KIF3C: variants seen among roughly 807,000 people sequenced by gnomAD.
KIF3C encodes the protein kinesin family member 3C.
KIF3C carries 12 observed loss-of-function variants against 67.7 expected under a neutral mutation model. The ratio of observed to expected loss-of-function variants is 0.18; its 90% CI spans 0.11 to 0.29. The LOEUF (loss-of-function observed/expected upper bound fraction) is 0.29. Among genes scored for constraint, KIF3C ranks in the 10% least tolerant of loss-of-function variants. The pLI is 1.00. For missense variants in KIF3C, 789 were observed against 1,059.6 expected, an observed-to-expected ratio of 0.74 and a Z score of 3.55; for synonymous variants, 393 against 426.2, an observed-to-expected ratio of 0.92 and a Z score of 0.96.
intron 4 of KIF3C, among the ~76,000 whole-genome samples, chr2:25,953,142 G>C (rs146160753): frequency 6.6e-6 from 1 of 151,212 alleles, no homozygotes; most frequent in East Asian, 2.0e-4. Flanking sequence ...GGTGGTGGGC[G>C]CCTGTAGTCC....
At chr2:25,950,054 CTAA>C (rs1394974428) in intron 5 of KIF3C, among the ~76,000 whole-genome samples, 1 of 150,738 alleles carries the variant, frequency 6.6e-6, no homozygotes, top group Non-Finnish European at 1.5e-5. Context: ...CCACACCCGG[CTAA>C]TTTTTTGTAT....
Position 25,929,554 on chromosome 2 carries a change from G to A in KIF3C, c.2116-77C>T. 4.6e-6 allele frequency: 6 copies of A among 1,304,822 alleles called. No homozygotes were observed. In the South Asian group the frequency reaches 4.8e-5, roughly 11 times the overall value. The allele number at this position is 1,304,822 out of a possible 1,614,324, so 80.8% of individuals were successfully genotyped here. The stretch of plus-strand genomic sequence containing the variant: ...TCTAGGGACTCAGCCAGTCTTGGGT[G>A]TAGCAGGGCTGATGAGGTGGTTAGG... On this transcript the variant is annotated intron_variant, in intron 6 of 7. Coordinates refer to ENST00000264712, the MANE Select transcript of KIF3C (RefSeq NM_002254.8).
chr2:25,930,147 G>A, intron 5 of KIF3C, 84 bp from the exon 6 acceptor site: 1 of 1,074,520 alleles, frequency 9.3e-7, no homozygotes. Flanking sequence ...TATCATTCAG[G>A]TAGCTAGGAG....
chr2:25,930,104 C>G, intron 5 of KIF3C, 41 bp from the exon 6 acceptor site: 1 of 1,496,708 alleles, frequency 6.7e-7, no homozygotes, highest in Non-Finnish European at 9.3e-7. Context: ...TTCTGTGGAA[C>G]ACAAACAGCA....
At chr2:25,962,982 A>T (rs1257291410) in intron 1 of KIF3C, among the ~76,000 whole-genome samples, 1 of 41,026 alleles carries the variant, frequency 2.4e-5, no homozygotes, top group Non-Finnish European at 3.4e-5. Context: ...ATAATATATA[A>T]TATATAATAT....
chr2:25,929,290 C>T lies in KIF3C; in HGVS notation c.2288+15G>A. 1 of 1,611,324 alleles carries T rather than the reference C, an allele frequency of 6.2e-7. No individual in the cohort carries two copies. Among genetic ancestry groups the T allele is most frequent in the Non-Finnish European group, 8.5e-7 (1 of 1,177,618 alleles). On this transcript the variant is annotated intron_variant, in intron 7 of 7. Transcript: ENST00000264712. Reference sequence around the variant, plus strand: ...TCCTGGGTCCAGTGCTGCCTGGGACCATGGAGGTACTGACCAGGATCTGGA... The same window carrying T: ...TCCTGGGTCCAGTGCTGCCTGGGACTATGGAGGTACTGACCAGGATCTGGA...
At chr2:25,962,209 A>G (rs2149237235) in intron 1 of KIF3C, among the ~76,000 whole-genome samples, 1 of 152,344 alleles carries the variant, frequency 6.6e-6, no homozygotes, top group Admixed American at 6.5e-5. Flanking sequence ...AGGAAATACC[A>G]GTCTATTAAA....
rs1348728979 is a variant in KIF3C at position 25,982,385 on chromosome 2, C to T, written c.-468G>A. On this transcript the variant is annotated 5_prime_UTR_variant, in exon 1 of 8. It removes the in-frame stop codon of an upstream open reading frame in the 5' UTR. Transcript: ENST00000264712. ...CCCGGGCCTCCCGAGGGCAGAGGCT[C>T]ACCTGGAGTCCTCCCCCCAAGCTGG... 1 of 398,728 alleles carries T rather than the reference C, an allele frequency of 2.5e-6. No homozygotes were observed. The highest frequency in any genetic ancestry group is 4.4e-6 in the Non-Finnish European group (1 of 226,226). The allele number at this position is 398,728 out of a possible 1,614,324, so 24.7% of individuals were successfully genotyped here.
chr2:25,956,299 G>T (rs1374646939), intron 2 of KIF3C, 44 bp downstream of exon 2: 5 of 1,420,750 alleles, frequency 3.5e-6, no homozygotes, highest in Middle Eastern at 1.9e-4. Context: ...GACATGAGCT[G>T]CAGGCCACAC....
chr2:25,982,189 C>A lies in KIF3C; in HGVS notation c.-272G>T, dbSNP rs1664619710. The A allele has an allele frequency of 2.3e-6, 1 of 442,628 alleles. No individual in the cohort carries two copies. Among genetic ancestry groups the A allele is most frequent in the East Asian group, 3.4e-5 (1 of 29,666 alleles). 27.4% of individuals were successfully genotyped at this position (442,628 alleles called of 1,614,324 possible). ...GCGGGAGCAGCGCCTGCCGAGCAGC[C>A]GTGCCCGGAGCCCGCCCCATGCAGG... On this transcript the variant is annotated 5_prime_UTR_variant, in exon 1 of 8. Coordinates refer to ENST00000264712, the MANE Select transcript of KIF3C (RefSeq NM_002254.8).
intron 1 of KIF3C, among the ~76,000 whole-genome samples, chr2:25,961,892 G>A (rs1663952945): frequency 6.8e-6 from 1 of 148,114 alleles, no homozygotes; most frequent in African/African-American, 2.5e-5. Flanking sequence ...AGGTTGCAGT[G>A]AGCTGAAATC....
At chr2:25,945,118 C>T (rs61237072) in intron 5 of KIF3C, among the ~76,000 whole-genome samples, 3,780 of 146,558 alleles carry the variant, frequency 0.026, 155 homozygotes, top group African/African-American at 0.089. Context: ...GCAACAAGAG[C>T]AAAACTCTAT....
At position 25,958,218 on chromosome 2, in the gene KIF3C, T is replaced by G. The variant is rs555436417; in HGVS notation, c.1546-1774A>C. 1.2e-3 allele frequency among the ~76,000 whole-genome samples: 185 copies of G among 152,252 alleles called. 1 individual carries two copies. Among genetic ancestry groups the G allele is most frequent in the Non-Finnish European group, 2.3e-3 (155 of 68,026 alleles). The stretch of plus-strand genomic sequence containing the variant: ...CCACAACTCTCCTGGACCACTGCTG[T>G]GGTCTCCCCACTGCCTCAGTGTCCC... On this transcript the variant is annotated intron_variant, in intron 1 of 7. Coordinates refer to ENST00000264712, the MANE Select transcript of KIF3C (RefSeq NM_002254.8). The surrounding 1 kb of genome is among the most constrained non-coding windows in gnomAD (Gnocchi z 4.5).
At chr2:25,976,353 T>C (rs1423064560) in intron 1 of KIF3C, among the ~76,000 whole-genome samples, 1 of 152,202 alleles carries the variant, frequency 6.6e-6, no homozygotes, top group African/African-American at 2.4e-5. Flanking sequence ...TCCGATGCTG[T>C]TGTTTCTGTC....
chr2:25,981,461 T>C lies in KIF3C; in HGVS notation c.457A>G (p.Ile153Val). 2 of 1,614,060 alleles carry C rather than the reference T, an allele frequency of 1.2e-6. No homozygotes were observed. The highest frequency in any genetic ancestry group is 1.7e-6 in the Non-Finnish European group (2 of 1,180,008). Residue 153 changes from isoleucine to valine, a missense_variant, in exon 1 of 8, where the codon ATT becomes GTT. Physicochemically the swap from Ile to Val is conservative, Grantham distance 29. Around this residue, in one of 2 missense-constraint regions of KIF3C, gnomAD observed 141 missense variants for 251.8 expected, o/e 0.56. Coordinates refer to ENST00000264712, the MANE Select transcript of KIF3C (RefSeq NM_002254.8). This position sits in a 1 kb window ranked among gnomAD's most constrained non-coding sequence, Gnocchi z 8.2. The stretch of plus-strand genomic sequence containing the variant: ...GGCTCCTTGGAGAGCAGGTCTCGAA[T>C]CTCTTCCTGGTAGATCTCCAAATAG... ...ASYLEIYQEE[I>V]RDLLSKEPGK...
rs180953667 is a variant in KIF3C, at chr2:25,938,863, C to T, written c.2007-8800G>A. On this transcript the variant is annotated intron_variant, in intron 5 of 7. Transcript: ENST00000264712. ...ACGCGTTCTCCTAGGACCCTCCCTC[C>T]GTAATTGGCTACTATCATTTTTTCC... Among the ~76,000 whole-genome samples the T allele has an allele frequency of 3.6e-4, 55 of 152,190 alleles. No individual in the cohort carries two copies. In the East Asian group the frequency reaches 4.5e-3, roughly 12 times the overall value.
Position 25,928,904 on chromosome 2 carries a change from G to A in KIF3C, c.*74C>T, listed in dbSNP as rs1357321692. On this transcript the variant is annotated 3_prime_UTR_variant, in exon 8 of 8. Coordinates refer to ENST00000264712, the MANE Select transcript of KIF3C (RefSeq NM_002254.8). ...GCACGCACACGCACACGCACCAAGC[G>A]GCAGATGAGATGAGCCAGGGTTGGC... 21 of 1,269,530 alleles carry A rather than the reference G, an allele frequency of 1.7e-5. No individual in the cohort carries two copies. Among genetic ancestry groups the A allele is most frequent in the Non-Finnish European group, 1.9e-5 (17 of 884,016 alleles). 78.6% of individuals were successfully genotyped at this position (1,269,530 alleles called of 1,614,324 possible). A position where few individuals can be genotyped will look rare whatever the true frequency, so the allele number is the denominator to read the frequency against.
At position 25,955,753 on chromosome 2, in the gene KIF3C, C is replaced by G; in HGVS notation, c.1648-90G>C. 1.3e-6 allele frequency: 2 copies of G among 1,495,464 alleles called. No homozygotes were observed. Among genetic ancestry groups the G allele is most frequent in the Non-Finnish European group, 1.8e-6 (2 of 1,093,334 alleles). The allele number at this position is 1,495,464 out of a possible 1,614,324, so 92.6% of individuals were successfully genotyped here. A position where few individuals can be genotyped will look rare whatever the true frequency, so the allele number is the denominator to read the frequency against. ...CAGGGGACTGGCTCACTCTGCCTGT[C>G]TCGGGACCTGGCTTCACCATGGCCC... On this transcript the variant is annotated intron_variant, in intron 2 of 7. Transcript: ENST00000264712. This position sits in a 1 kb window ranked among gnomAD's most constrained non-coding sequence, Gnocchi z 5.0.
Position 25,951,889 on chromosome 2 carries a change from T to G in KIF3C, c.1906A>C (p.Asn636His). ...TTCTTCTCCTCCGGCGGGATGAAGT[T>G]CTCGATGATTAGGTACCTGGGAGCA... ...ELKLKYLIIE[N>H]FIPPEEKNKI... The change falls in exon 5 of 8, where the codon AAC becomes CAC. Residue 636 changes from asparagine (N) to histidine (H), a missense_variant. Physicochemically the swap from Asn to His is moderately conservative, Grantham distance 68. Around this residue, in one of 2 missense-constraint regions of KIF3C, gnomAD observed 648 missense variants for 807.8 expected, o/e 0.80. Transcript: ENST00000264712. The G allele has an allele frequency of 6.2e-7, 1 of 1,613,144 alleles. No homozygotes were observed. Among genetic ancestry groups the G allele is most frequent in the Non-Finnish European group, 8.5e-7 (1 of 1,179,214 alleles).
Sources: allele counts gnomAD v4.1 joint callset (sites outside exome capture counted in the v4.1 genomes callset), GRCh38; gene constraint gnomAD v4.1.1; regional missense constraint gnomAD v4.1.1; non-coding constraint Gnocchi (gnomAD v3.1); transcripts MANE v1.5; gene names NCBI Gene and HGNC (gene_info 2026-07-23, HGNC 2026-07-21).